Variants in ACOT11 observed in about 807,000 individuals in gnomAD.
ACOT11 encodes acyl-coenzyme A thioesterase 11.
A neutral mutation model predicts 77.5 loss-of-function variants in ACOT11; 69 were observed. The observed-to-expected ratio is 0.89, with a 90% confidence interval of 0.73 to 1.09. ACOT11 has a LOEUF of 1.09. ACOT11 is among the 50% of genes least tolerant of loss of function. The probability of loss-of-function intolerance (pLI) is 0.00; values close to 1 mark genes in which losing one functional copy is unlikely to be tolerated. For synonymous variants in ACOT11, 279 were observed against 313.0 expected, an observed-to-expected ratio of 0.89 and a Z score of 1.15; for missense variants, 766 against 813.7, an observed-to-expected ratio of 0.94 and a Z score of 0.71.
Position 54,599,295 on chromosome 1 carries a change from G to A in ACOT11, c.765-1G>A, listed in dbSNP as rs1367811716. The A allele has an allele frequency of 2.6e-6, 4 of 1,547,160 alleles. No individual in the cohort carries two copies. The highest frequency in any genetic ancestry group is 3.5e-6 in the Non-Finnish European group (4 of 1,143,778). Reference sequence around the variant, plus strand: ...CTGTCTCCCCACCCCTGCCTCCTCAGCCGGCTCTGCCGTGCCCACCCTACG... The same window carrying A: ...CTGTCTCCCCACCCCTGCCTCCTCAACCGGCTCTGCCGTGCCCACCCTACG... On this transcript the variant is annotated splice_acceptor_variant, in intron 7 of 15. Transcript: ENST00000343744. LOFTEE classifies it high-confidence loss of function.
Position 54,610,227 on chromosome 1 carries a change from A to G in ACOT11, c.*1115A>G, listed in dbSNP as rs1472466760. The G allele has an allele frequency of 8.3e-6, 12 of 1,438,724 alleles. No individual in the cohort carries two copies. Among genetic ancestry groups the G allele is most frequent in the Non-Finnish European group, 1.0e-5 (11 of 1,101,984 alleles). 89.1% of individuals were successfully genotyped at this position (1,438,724 alleles called of 1,614,324 possible). On this transcript the variant is annotated 3_prime_UTR_variant, in exon 16 of 16. Transcript: ENST00000343744. ...GCTGAGGACTGGTCTGAAGGCCAGG[A>G]GCCCTGTGCTCTTGACATCACTGTA... is the stretch of plus-strand genomic sequence containing the variant.
chr1:54,623,652 G>C (rs1644253115), intron 15 of ACOT11: 3 of 406,898 alleles, frequency 7.4e-6, no homozygotes, highest in Admixed American at 4.2e-5. Context: ...TATCTAAAAT[G>C]ACCTTTGAGC....
At chr1:54,551,130 CAAAAAAAAAAAA>C (rs11367325) in intron 1 of ACOT11, among the ~76,000 whole-genome samples, 1 of 90,954 alleles carries the variant, frequency 1.1e-5, no homozygotes, top group African/African-American at 4.5e-5. Flanking sequence ...ACAGTGGTCT[CAAAAAAAAAAAA>C]AAAAAAAGAA....
intron 16 of ACOT11, among the ~76,000 whole-genome samples, chr1:54,634,070 A>G (rs565659261): frequency 6.6e-6 from 1 of 152,314 alleles, no homozygotes; most frequent in East Asian, 1.9e-4. Flanking sequence ...AGGGATTGGG[A>G]GAACTCGGAT....
intron 1 of ACOT11, among the ~76,000 whole-genome samples, chr1:54,567,465 G>A (rs1415485465): frequency 6.6e-6 from 1 of 151,980 alleles, no homozygotes; most frequent in Non-Finnish European, 1.5e-5. Context: ...TTTTAGTAGA[G>A]ACGGGGTTTC....
intron 1 of ACOT11, among the ~76,000 whole-genome samples, chr1:54,580,285 G>T (rs764203186): frequency 6.6e-6 from 1 of 152,158 alleles, no homozygotes; most frequent in Non-Finnish European, 1.5e-5. Context: ...CTTCAGGGCA[G>T]GTAGGTCTCC....
chr1:54,623,721 G>C (rs1343504448), intron 15 of ACOT11, among the ~76,000 whole-genome samples: 1 of 152,192 alleles, frequency 6.6e-6, no homozygotes, highest in African/African-American at 2.4e-5. Flanking sequence ...GTCTGCCCCT[G>C]CTTGGGAGTC....
At chr1:54,551,303 A>G (rs1029934900) in intron 1 of ACOT11, among the ~76,000 whole-genome samples, 6 of 152,100 alleles carry the variant, frequency 3.9e-5, no homozygotes, top group Non-Finnish European at 8.8e-5. Flanking sequence ...CTGTAGACAG[A>G]GTCAGCATTG....
chr1:54,609,167 TC>T lies in ACOT11; in HGVS notation c.*56del. On this transcript the variant is annotated 3_prime_UTR_variant, in exon 16 of 16. Coordinates refer to ENST00000343744, the MANE Select transcript of ACOT11 (RefSeq NM_147161.4). ...CCCACTCCATCCTGTCCCCAAGGAC[TC>T]ACATACAGTGCCTGGAGAAAGCCAA... 1 of 1,610,874 alleles carries T rather than the reference TC, an allele frequency of 6.2e-7. No individual in the cohort carries two copies. Among genetic ancestry groups the T allele is most frequent in the Non-Finnish European group, 8.5e-7 (1 of 1,178,312 alleles).
At chr1:54,583,840 A>G (rs1654404237) in intron 1 of ACOT11, among the ~76,000 whole-genome samples, 1 of 152,092 alleles carries the variant, frequency 6.6e-6, no homozygotes, top group Non-Finnish European at 1.5e-5. Context: ...CATTTTTCTC[A>G]CACATGCAGG....
At chr1:54,600,214 T>G (rs1441140910) in intron 8 of ACOT11, among the ~76,000 whole-genome samples, 1 of 152,184 alleles carries the variant, frequency 6.6e-6, no homozygotes, top group Admixed American at 6.5e-5. Flanking sequence ...AAAGCCCTTT[T>G]GTAGGAGCTG....
intron 3 of ACOT11, among the ~76,000 whole-genome samples, chr1:54,590,610 A>T (rs1417360249): frequency 6.6e-6 from 1 of 152,180 alleles, no homozygotes; most frequent in Non-Finnish European, 1.5e-5. Context: ...GGACCACAGA[A>T]GTTTTTTGCC....
chr1:54,627,157 G>A (rs769640365), intron 15 of ACOT11, among the ~76,000 whole-genome samples: 1 of 135,174 alleles, frequency 7.4e-6, no homozygotes. Context: ...GTACCCAGCC[G>A]AGGAAGGCAT....
At chr1:54,614,369 A>C (rs192992801), downstream of ACOT11, among the ~76,000 whole-genome samples, 16 of 152,238 alleles carry the variant, frequency 1.1e-4, no homozygotes, top group East Asian at 3.1e-3. Context: ...TCAATGTAGT[A>C]GGGGTGACAA....
rs537626627 is a variant in ACOT11, at chr1:54,549,421, C to G, written c.33+1079C>G. On this transcript the variant is annotated intron_variant, in intron 1 of 15. Coordinates refer to ENST00000343744, the MANE Select transcript of ACOT11 (RefSeq NM_147161.4). Reference sequence around the variant, plus strand: ...TGCTCTCCGCGGCTTCGGTGTCCCACTTTTGTTCTCTCCTCCAGGCTGTTG... The same window carrying G: ...TGCTCTCCGCGGCTTCGGTGTCCCAGTTTTGTTCTCTCCTCCAGGCTGTTG... Among the ~76,000 whole-genome samples, 112 of 152,322 alleles carry G rather than the reference C, an allele frequency of 7.4e-4. 1 individual carries two copies. The highest frequency in any genetic ancestry group is 2.6e-3 in the African/African-American group (110 of 41,574).
At chr1:54,628,950 T>C (rs1427323968) in intron 15 of ACOT11, among the ~76,000 whole-genome samples, 1 of 128,900 alleles carries the variant, frequency 7.8e-6, no homozygotes, top group Non-Finnish European at 1.7e-5. Context: ...TCGCAGCTAT[T>C]TGGGAGGCTG....
At chr1:54,595,525 A>G (rs1411789360) in intron 6 of ACOT11, among the ~76,000 whole-genome samples, 1 of 152,178 alleles carries the variant, frequency 6.6e-6, no homozygotes, top group Admixed American at 6.5e-5. Context: ...TCGTCTCCCC[A>G]GAAGCATCTA....
chr1:54,621,119 C>T (rs1298626524), intron 15 of ACOT11, among the ~76,000 whole-genome samples: 1 of 151,386 alleles, frequency 6.6e-6, no homozygotes, highest in African/African-American at 2.4e-5. Flanking sequence ...GGAGATCATG[C>T]CACTGCACTC....
At chr1:54,572,861 T>G in intron 1 of ACOT11, 99 of 916,650 alleles carry the variant, frequency 1.1e-4, no homozygotes, top group South Asian at 1.5e-4. Flanking sequence ...TGTGGCGGGC[T>G]GAGATTTCTG....
Sources: gnomAD v4.1 joint callset for allele counts (sites outside exome capture counted in the v4.1 genomes callset) on GRCh38, gnomAD v4.1.1 for gene constraint, MANE v1.5 for transcripts, NCBI Gene and HGNC (gene_info 2026-07-23, HGNC 2026-07-21) for gene names.